The following TGFBR2 variants were observed in gnomAD, a reference collection of about 807,000 sequenced individuals.
TGFBR2 encodes TGF-beta receptor type-2.
Under a neutral mutation model 49.0 loss-of-function variants are expected in TGFBR2, and 18 were observed. That is an observed-to-expected ratio of 0.37 (90% CI 0.25 to 0.54). The LOEUF is 0.54. TGFBR2 is among the 20% of genes least tolerant of loss of function. The probability of loss-of-function intolerance (pLI) is 0.85; values close to 1 mark genes in which losing one functional copy is unlikely to be tolerated. For synonymous variants in TGFBR2, 282 were observed against 275.9 expected, an observed-to-expected ratio of 1.02 and a Z score of -0.22; for missense variants, 525 against 722.6, an observed-to-expected ratio of 0.73 and a Z score of 3.13.
Position 30,692,063 on chromosome 3 carries a change from A to G in TGFBR2, c.*464A>G, listed in dbSNP as rs1699720605. The G allele has an allele frequency of 4.4e-6, 1 of 225,804 alleles. No homozygotes were observed. Among genetic ancestry groups the G allele is most frequent in the Admixed American group, 5.7e-5 (1 of 17,544 alleles). The allele number at this position is 225,804 out of a possible 1,614,324, so 14.0% of individuals were successfully genotyped here. A position where few individuals can be genotyped will look rare whatever the true frequency, so the allele number is the denominator to read the frequency against. On this transcript the variant is annotated 3_prime_UTR_variant, in exon 7 of 7. Coordinates refer to ENST00000295754, the MANE Select transcript of TGFBR2 (RefSeq NM_003242.6). ...AGAGAAGGAAGGGACCCATGACAGCATTAGCATTTGACAATCACACATGCA... is the reference window on the plus strand; with the variant it reads ...AGAGAAGGAAGGGACCCATGACAGCGTTAGCATTTGACAATCACACATGCA...
intron 3 of TGFBR2, among the ~76,000 whole-genome samples, chr3:30,668,581 CT>C (rs3836404): frequency 7.2e-5 from 11 of 151,880 alleles, no homozygotes; most frequent in African/African-American, 2.7e-4. Context: ...ACAAGAGCAT[CT>C]TTTTTTTCTT....
chr3:30,619,575 T>G (rs1698191570), intron 1 of TGFBR2, among the ~76,000 whole-genome samples: 1 of 152,116 alleles, frequency 6.6e-6, no homozygotes, highest in Non-Finnish European at 1.5e-5. Context: ...CCATCATCTA[T>G]TCCACCCTTC....
intron 5 of TGFBR2, among the ~76,000 whole-genome samples, chr3:30,678,065 G>A (rs1281153262): frequency 6.6e-6 from 1 of 152,176 alleles, no homozygotes; most frequent in Non-Finnish European, 1.5e-5. Flanking sequence ...AATGTGGAAT[G>A]TGCTTACCTT....
At chr3:30,651,511 A>G (rs1016810895) in intron 3 of TGFBR2, among the ~76,000 whole-genome samples, 3 of 152,186 alleles carry the variant, frequency 2.0e-5, no homozygotes, top group Admixed American at 6.5e-5. Flanking sequence ...CACTTTTACA[A>G]TTCCTTCTAA....
At chr3:30,607,827 ATATATATATAAT>A (rs1427509753) in intron 1 of TGFBR2, among the ~76,000 whole-genome samples, 18 of 132,740 alleles carry the variant, frequency 1.4e-4, no homozygotes, top group African/African-American at 6.2e-4. Context: ...ATATATATAA[ATATATATATAAT>A]TATATATATA....
At chr3:30,688,614 A>G in intron 6 of TGFBR2, 103 bp downstream of exon 6, 1 of 1,489,992 alleles carries the variant, frequency 6.7e-7, no homozygotes, top group Non-Finnish European at 9.2e-7. Flanking sequence ...GGAAGGTCCC[A>G]TTGTGTTCTA....
intron 5 of TGFBR2, among the ~76,000 whole-genome samples, chr3:30,677,775 A>G (rs139982893): frequency 6.6e-6 from 1 of 152,336 alleles, no homozygotes; most frequent in East Asian, 1.9e-4. Context: ...AGAAACACAG[A>G]TGGAAGGACA....
At chr3:30,656,140 T>C (rs951060046) in intron 3 of TGFBR2, among the ~76,000 whole-genome samples, 1 of 152,214 alleles carries the variant, frequency 6.6e-6, no homozygotes, top group Non-Finnish European at 1.5e-5. Context: ...GGAATAAATT[T>C]GGTCTAAAGC....
chr3:30,634,801 G>T (rs1698500018), intron 1 of TGFBR2, among the ~76,000 whole-genome samples: 2 of 152,172 alleles, frequency 1.3e-5, no homozygotes. Context: ...TTTAGGTAAA[G>T]TACCAACTTT....
intron 2 of TGFBR2, among the ~76,000 whole-genome samples, chr3:30,645,610 C>T (rs1225948654): frequency 2.6e-5 from 4 of 151,604 alleles, no homozygotes; most frequent in South Asian, 2.1e-4. Flanking sequence ...CTCAGCCTTT[C>T]GAGTAGCTGG....
In TGFBR2 at chr3:30,650,480, G is replaced by C; in HGVS notation, c.454+20G>C. 6.2e-7 allele frequency: 1 copy of C among 1,613,592 alleles called. No individual in the cohort carries two copies. The highest frequency in any genetic ancestry group is 8.5e-7 in the Non-Finnish European group (1 of 1,179,666). ...CAGAAGGTGAGTTTTCTTCTCTTAA[G>C]GGTGTGGGACCTGAGATCTGTGCCA... On this transcript the variant is annotated intron_variant, in intron 3 of 6. Transcript: ENST00000295754.
chr3:30,636,206 A>AGGG (rs1698527213), intron 1 of TGFBR2, among the ~76,000 whole-genome samples: 1 of 149,690 alleles, frequency 6.7e-6, no homozygotes, highest in South Asian at 2.1e-4. Flanking sequence ...TGTGTATAGT[A>AGGG]CTGGGATTAC....
At chr3:30,611,752 CCTA>C (rs1698033882) in intron 1 of TGFBR2, among the ~76,000 whole-genome samples, 1 of 152,034 alleles carries the variant, frequency 6.6e-6, no homozygotes. Flanking sequence ...GCCACCACTG[CCTA>C]CTCTAGAGTA....
intron 1 of TGFBR2, among the ~76,000 whole-genome samples, chr3:30,612,921 C>T (rs1698055677): frequency 6.6e-6 from 1 of 152,112 alleles, no homozygotes; most frequent in South Asian, 2.1e-4. Flanking sequence ...AGTCAGCTTT[C>T]TAGGTCTTAG....
At chr3:30,624,927 C>T (rs1698303722) in intron 1 of TGFBR2, among the ~76,000 whole-genome samples, 1 of 152,032 alleles carries the variant, frequency 6.6e-6, no homozygotes, top group South Asian at 2.1e-4. Context: ...GATTTTCCAG[C>T]AAAGATGAGC....
Position 30,692,323 on chromosome 3 carries a change from G to A in TGFBR2, c.*724G>A, listed in dbSNP as rs1231868151. 2.6e-5 allele frequency: 6 copies of A among 230,138 alleles called. No individual in the cohort carries two copies. In the South Asian group the frequency reaches 5.4e-4, roughly 21 times the overall value. The allele number at this position is 230,138 out of a possible 1,614,324, so 14.3% of individuals were successfully genotyped here. A position where few individuals can be genotyped will look rare whatever the true frequency, so the allele number is the denominator to read the frequency against. On this transcript the variant is annotated 3_prime_UTR_variant, in exon 7 of 7. Transcript: ENST00000295754. ...CATTTAAGCTCCAAGCCCCAAATCTGGGGGGCTAGTTTAGAAACTCTCCCT... is the reference window on the plus strand; with the variant it reads ...CATTTAAGCTCCAAGCCCCAAATCTAGGGGGCTAGTTTAGAAACTCTCCCT...
At chr3:30,677,040 A>G (rs3773651) in intron 5 of TGFBR2, among the ~76,000 whole-genome samples, 6,124 of 152,290 alleles carry the variant, frequency 0.04, 167 homozygotes, top group East Asian at 0.11. Context: ...CCTAGATTTC[A>G]GTATCATTCC....
chr3:30,677,557 ACTT>A (rs770908167), intron 5 of TGFBR2, among the ~76,000 whole-genome samples: 16 of 152,276 alleles, frequency 1.1e-4, no homozygotes, highest in East Asian at 7.7e-4. Flanking sequence ...TCCCACCTTG[ACTT>A]CTTCTTTTAA....
At chr3:30,614,895 T>C (rs1233308819) in intron 1 of TGFBR2, among the ~76,000 whole-genome samples, 1 of 152,162 alleles carries the variant, frequency 6.6e-6, no homozygotes, top group Admixed American at 6.5e-5. Context: ...CATTATAGCA[T>C]GGGTGTTGGA....
Sources: allele counts gnomAD v4.1 joint callset (sites outside exome capture counted in the v4.1 genomes callset), GRCh38; gene constraint gnomAD v4.1.1; transcripts MANE v1.5; gene names NCBI Gene and HGNC (gene_info 2026-07-23, HGNC 2026-07-21).